Variants in CEP89 observed in about 807,000 individuals in gnomAD.
CEP89 encodes centrosomal protein 89, also known as centrosomal protein of 89 kDa.
Under a neutral mutation model 97.6 loss-of-function variants are expected in CEP89, and 95 were observed. The observed-to-expected ratio is 0.97, with a 90% CI of 0.82 to 1.15. The LOEUF is 1.15. Ranked by LOEUF, CEP89 falls within the 50% of genes most tolerant of loss-of-function variation. The probability of loss-of-function intolerance (pLI) is 0.00; values close to 1 mark genes in which losing one functional copy is unlikely to be tolerated. For synonymous variants in CEP89, 354 were observed against 349.1 expected, an observed-to-expected ratio of 1.01 and a Z score of -0.16; for missense variants, 869 against 947.7, an observed-to-expected ratio of 0.92 and a Z score of 1.09.
At chr19:32,966,153 A>G in intron 2 of CEP89, 1 of 394,618 alleles carries the variant, frequency 2.5e-6, no homozygotes, top group Non-Finnish European at 4.5e-6. Context: ...AAGTTCATGC[A>G]CCTGAAAAGG....
chr19:32,927,187 T>A (rs971165174), intron 9 of CEP89, among the ~76,000 whole-genome samples: 1 of 151,280 alleles, frequency 6.6e-6, no homozygotes, highest in Non-Finnish European at 1.5e-5. Context: ...CATCCATCCA[T>A]CCACTTTCCC....
chr19:32,928,597 G>C (rs1033936106), intron 9 of CEP89, among the ~76,000 whole-genome samples: 4 of 152,106 alleles, frequency 2.6e-5, no homozygotes, highest in East Asian at 3.9e-4. Flanking sequence ...TGCTGTGTGA[G>C]CTCTGGGAAC....
intron 8 of CEP89, 119 bp downstream of exon 8, chr19:32,933,332 C>A (rs1288103075): frequency 2.5e-6 from 2 of 802,160 alleles, no homozygotes; most frequent in African/African-American, 1.7e-5. Flanking sequence ...AACAAAAAAA[C>A]CTGAAATATT....
Position 32,876,545 on chromosome 19 carries a change from TG to T in CEP89, c.*2616del. ...CTGCTCTGAGTGCCTGCTGTGCTCC[TG>T]GGGGCCCTCTCCACCCTTCTGTAGC... On this transcript the variant is annotated 3_prime_UTR_variant, in exon 19 of 19. Transcript: ENST00000305768. The T allele has an allele frequency of 6.5e-6, 1 of 154,360 alleles. No homozygotes were observed. Among genetic ancestry groups the T allele is most frequent in the Non-Finnish European group, 1.4e-5 (1 of 69,760 alleles). The allele number at this position is 154,360 out of a possible 1,614,324, so 9.6% of individuals were successfully genotyped here.
In CEP89 at chr19:32,898,881, T is replaced by TAAAA. The variant is rs56965428; in HGVS notation, c.1875+972_1875+975dup. Among the ~76,000 whole-genome samples the TAAAA allele has an allele frequency of 6.3e-5, 8 of 127,514 alleles. 1 individual carries two copies. Among genetic ancestry groups the TAAAA allele is most frequent in the Admixed American group, 8.4e-5 (1 of 11,912 alleles). 83.7% of individuals were successfully genotyped at this position (127,514 alleles called of 152,430 possible). On this transcript the variant is annotated intron_variant, in intron 16 of 18. Transcript: ENST00000305768. ...TGGGTGACAGCGTGAGACTCCATCT[T>TAAAA]AAAAAAAAAAAAAAAAAAAAGATAA...
At chr19:32,920,043 ATT>A (rs1333788172) in intron 12 of CEP89, among the ~76,000 whole-genome samples, 1 of 151,522 alleles carries the variant, frequency 6.6e-6, no homozygotes, top group South Asian at 2.1e-4. Flanking sequence ...TTCACTTTTT[ATT>A]TTTTAGAAAC....
At chr19:32,959,864 T>G in intron 3 of CEP89, 36 bp downstream of exon 3, 1 of 1,611,548 alleles carries the variant, frequency 6.2e-7, no homozygotes, top group Non-Finnish European at 8.5e-7. Flanking sequence ...CCTCTTCCAC[T>G]CTCAGAGGAA....
chr19:32,897,718 T>C (rs1969673074), intron 16 of CEP89, among the ~76,000 whole-genome samples: 1 of 152,274 alleles, frequency 6.6e-6, no homozygotes, highest in South Asian at 2.1e-4. Flanking sequence ...TGCACCACTA[T>C]GCCTGGCTAA....
intron 12 of CEP89, among the ~76,000 whole-genome samples, chr19:32,920,004 C>T (rs1430108644): frequency 6.6e-6 from 1 of 152,060 alleles, no homozygotes; most frequent in Non-Finnish European, 1.5e-5. Context: ...CATTTGTTCA[C>T]GCCTTCCTTC....
intron 6 of CEP89, 81 bp from the exon 7 acceptor site, chr19:32,937,754 A>T: frequency 1.1e-6 from 1 of 941,314 alleles, no homozygotes; most frequent in Non-Finnish European, 1.7e-6. Flanking sequence ...AGGTCATTAG[A>T]CAGCAGGTAT....
In CEP89 at chr19:32,957,356, G is replaced by A. The variant is rs534722498; in HGVS notation, c.305+2544C>T. Among the ~76,000 whole-genome samples the A allele has an allele frequency of 7.9e-5, 12 of 152,218 alleles. No individual in the cohort carries two copies. The East Asian group carries it at 9.7e-4, about 12-fold the overall frequency. Reference sequence around the variant, plus strand: ...AGATGGGGTGGTTGTGGATTTAATCGGAAATAGTTCTTGAAATTGAGTGTA... The same window carrying A: ...AGATGGGGTGGTTGTGGATTTAATCAGAAATAGTTCTTGAAATTGAGTGTA... On this transcript the variant is annotated intron_variant, in intron 3 of 18. Transcript: ENST00000305768.
At chr19:32,953,867 C>CTTTT (rs11339044) in intron 3 of CEP89, 66 bp from the exon 4 acceptor site, 113 of 608,448 alleles carry the variant, frequency 1.9e-4, no homozygotes, top group South Asian at 3.9e-4. Flanking sequence ...TGATAAATAT[C>CTTTT]TTTTTTTTTT....
rs1407279694 is a variant in CEP89 at position 32,937,659 on chromosome 19, T to C, written c.639A>G (p.Pro213=). ...PVLNLKDEKP[P]LCEKPPPSPD... ...GGGAGGGTGGAGGTTTCTCACATAATGGAGGTTTTTCATCCTAGGAAAGAA... is the reference window on the plus strand; with the variant it reads ...GGGAGGGTGGAGGTTTCTCACATAACGGAGGTTTTTCATCCTAGGAAAGAA... The change falls in exon 7 of 19, where the codon CCA becomes CCG. Residue 213 remains proline (P), a synonymous_variant. Coordinates refer to ENST00000305768, the MANE Select transcript of CEP89 (RefSeq NM_032816.5). 1.2e-6 allele frequency: 2 copies of C among 1,606,716 alleles called. No individual in the cohort carries two copies. Among genetic ancestry groups the C allele is most frequent in the Non-Finnish European group, 1.7e-6 (2 of 1,175,262 alleles).
chr19:32,951,511 TTATATATA>T (rs72440449), intron 4 of CEP89, among the ~76,000 whole-genome samples: 123 of 132,064 alleles, frequency 9.3e-4, no homozygotes, highest in Admixed American at 8.4e-4. Flanking sequence ...CAACAAAAAA[TTATATATA>T]TATATATATA....
In CEP89 at chr19:32,951,040, G is replaced by T. The variant is rs192433186; in HGVS notation, c.492+2575C>A. 2.8e-4 allele frequency among the ~76,000 whole-genome samples: 43 copies of T among 152,262 alleles called. No individual in the cohort carries two copies. The East Asian group carries it at 8.3e-3, about 29-fold the overall frequency. On this transcript the variant is annotated intron_variant, in intron 4 of 18. Transcript: ENST00000305768. ...ACTAAGAAGAAGGGTGATTTCTAGG[G>T]TACAAGTAATTTTTTTTTAATCTGA...
intron 2 of CEP89, among the ~76,000 whole-genome samples, chr19:32,961,414 C>CA (rs5827831): frequency 0.39 from 52,477 of 133,758 alleles, 9,860 homozygotes; most frequent in Admixed American, 0.49. Flanking sequence ...ACCAAAAATA[C>CA]AAAAAAAAAA....
intron 1 of CEP89, chr19:32,971,239 T>C (rs573508697): frequency 6.6e-5 from 23 of 350,186 alleles, no homozygotes; most frequent in African/African-American, 4.2e-4. Context: ...GGGGTGTACA[T>C]GGTGGGTGGA....
intron 4 of CEP89, among the ~76,000 whole-genome samples, chr19:32,951,417 C>T (rs962514252): frequency 6.6e-6 from 1 of 151,648 alleles, no homozygotes; most frequent in African/African-American, 2.4e-5. Flanking sequence ...ACCCAGGAGG[C>T]GGAGGTTGCA....
At chr19:32,880,511 C>T (rs1025089507) in intron 18 of CEP89, among the ~76,000 whole-genome samples, 4 of 151,958 alleles carry the variant, frequency 2.6e-5, no homozygotes, top group Non-Finnish European at 5.9e-5. Context: ...TGGTGGCATG[C>T]ACCTGTATTT....
Sources: allele counts gnomAD v4.1 joint callset (sites outside exome capture counted in the v4.1 genomes callset), GRCh38; gene constraint gnomAD v4.1.1; transcripts MANE v1.5; gene names NCBI Gene and HGNC (gene_info 2026-07-23, HGNC 2026-07-21).